The following AFP variants were observed in gnomAD, a reference collection of about 807,000 sequenced individuals.
AFP encodes the protein alpha-fetoprotein.
In AFP, 64 loss-of-function variants were observed where a neutral mutation model predicts 78.9. The observed-to-expected ratio is 0.81, with a 90% confidence interval of 0.66 to 1.00. The LOEUF (loss-of-function observed/expected upper bound fraction) is 1.00. Among genes scored for constraint, AFP ranks in the 50% least tolerant of loss-of-function variants. The pLI is 0.00. For synonymous variants in AFP, 254 were observed against 243.8 expected (o/e 1.04, Z -0.39); for missense variants, 689 against 703.8 (o/e 0.98, Z 0.24).
intron 2 of AFP, 88 bp downstream of exon 2, chr4:73,437,299 T>C: frequency 9.4e-7 from 1 of 1,065,072 alleles, no homozygotes; most frequent in Non-Finnish European, 1.4e-6. Flanking sequence ...CTGTGAGCTC[T>C]TAAAAGCACA....
intron 7 of AFP, among the ~76,000 whole-genome samples, chr4:73,446,977 C>T (rs1266438107): frequency 1.3e-5 from 2 of 152,076 alleles, no homozygotes; most frequent in Non-Finnish European, 2.9e-5. Flanking sequence ...TGATAGGTCA[C>T]GTTCTCACTC....
intron 2 of AFP, 48 bp from the exon 3 acceptor site, chr4:73,438,126 C>T: frequency 6.2e-7 from 1 of 1,606,962 alleles, no homozygotes; most frequent in South Asian, 1.1e-5. Context: ...GAAAAATAAG[C>T]TTGCTGCAGG....
chr4:73,438,332 T>C (rs1404262888), intron 3 of AFP, 26 bp downstream of exon 3: 62 of 1,593,668 alleles, frequency 3.9e-5, no homozygotes, highest in South Asian at 5.6e-5. Flanking sequence ...TAAAAAAGCA[T>C]TGTGATATTT....
chr4:73,440,888 A>G, intron 4 of AFP, 75 bp downstream of exon 4: 2 of 1,256,044 alleles, frequency 1.6e-6, no homozygotes, highest in Non-Finnish European at 2.2e-6. Context: ...TATTTTTGCA[A>G]TGTACTCATG....
chr4:73,441,347 A>T (rs1238030529), intron 4 of AFP, among the ~76,000 whole-genome samples: 2 of 151,862 alleles, frequency 1.3e-5, no homozygotes, highest in Non-Finnish European at 2.9e-5. Flanking sequence ...CGGGCGGATC[A>T]CGAGGTCAGG....
chr4:73,446,634 AGTTTGCTCTCC>A (rs1261426031), intron 7 of AFP, among the ~76,000 whole-genome samples: 3 of 140,600 alleles, frequency 2.1e-5, no homozygotes, highest in Non-Finnish European at 4.6e-5. Flanking sequence ...TGGAGCAGAA[AGTTTGCTCTCC>A]ATGTTATGAT....
rs1183939573 is a variant in AFP at position 73,449,549 on chromosome 4, CT to C, written c.1191+83del. 2.0e-6 allele frequency: 3 copies of C among 1,524,032 alleles called. No individual in the cohort carries two copies. In the African/African-American group the frequency reaches 4.1e-5, roughly 21 times the overall value. The allele number at this position is 1,524,032 out of a possible 1,614,324, so 94.4% of individuals were successfully genotyped here. ...AAAAATGCTGTTTGTTTGAAAGCCT[CT>C]AGTTTTCAACTAGTTGTTAGCCAGT... is the stretch of plus-strand genomic sequence containing the variant. On this transcript the variant is annotated intron_variant, in intron 9 of 14. Transcript: ENST00000395792.
intron 8 of AFP, among the ~76,000 whole-genome samples, chr4:73,448,293 G>A (rs1425571474): frequency 6.6e-6 from 1 of 152,116 alleles, no homozygotes; most frequent in Non-Finnish European, 1.5e-5. Flanking sequence ...AAGCAATCAA[G>A]TTAATACGTT....
Position 73,442,405 on chromosome 4 carries a change from G to A in AFP, c.592G>A (p.Ala198Thr). ...TCCATCTTGCTGCAAAGCTGAAAAT[G>A]CAGTTGAATGCTTCCAAACAAAGGT... ...IIPSCCKAEN[A>T]VECFQTKAAT... The change falls in exon 5 of 15, where the codon GCA becomes ACA. Residue 198 changes from alanine (A) to threonine (T), a missense_variant. Transcript: ENST00000395792. 1 of 1,614,064 alleles carries A rather than the reference G, an allele frequency of 6.2e-7. No individual in the cohort carries two copies. The highest frequency in any genetic ancestry group is 8.5e-7 in the Non-Finnish European group (1 of 1,179,990).
At chr4:73,441,115 G>A (rs1719649469) in intron 4 of AFP, among the ~76,000 whole-genome samples, 1 of 150,600 alleles carries the variant, frequency 6.6e-6, no homozygotes, top group Non-Finnish European at 1.5e-5. Context: ...ATTTTACCTT[G>A]TTCAAGAATA....
chr4:73,444,652 CTTAA>C (rs1719766148), intron 6 of AFP, among the ~76,000 whole-genome samples: 1 of 152,116 alleles, frequency 6.6e-6, no homozygotes, highest in Non-Finnish European at 1.5e-5. Context: ...TTTTCCATTT[CTTAA>C]TTGTTTATCC....
chr4:73,454,035 G>T (rs968357108), intron 13 of AFP, 138 bp downstream of exon 13: 24 of 929,814 alleles, frequency 2.6e-5, no homozygotes, highest in Middle Eastern at 3.4e-4. Flanking sequence ...CAGATTGAGG[G>T]ATTCTATAAG....
In AFP at chr4:73,437,159, G is replaced by C. The variant is rs1336910329; in HGVS notation, c.86-1G>C. ...TTCATGAAGTTTATTTTGCTTTCCA[G>C]CTTCCATATTGGATTCTTACCAATG... On this transcript the variant is annotated splice_acceptor_variant, in intron 1 of 14. Coordinates refer to ENST00000395792, the MANE Select transcript of AFP (RefSeq NM_001134.3). LOFTEE classifies it high-confidence loss of function. The C allele has an allele frequency of 6.2e-7, 1 of 1,610,274 alleles. No individual in the cohort carries two copies. The highest frequency in any genetic ancestry group is 8.5e-7 in the Non-Finnish European group (1 of 1,177,052).
intron 8 of AFP, 57 bp from the exon 9 acceptor site, chr4:73,449,278 G>T: frequency 6.6e-7 from 1 of 1,505,074 alleles, no homozygotes; most frequent in South Asian, 1.2e-5. Flanking sequence ...GAGAAGTGAT[G>T]GCTCCTTTTG....
At chr4:73,441,137 C>T (rs1439155642) in intron 4 of AFP, among the ~76,000 whole-genome samples, 1 of 151,820 alleles carries the variant, frequency 6.6e-6, no homozygotes, top group Non-Finnish European at 1.5e-5. Flanking sequence ...ATTAGTATTG[C>T]ACCAAATTGA....
At chr4:73,442,030 G>A (rs1251575931) in intron 4 of AFP, among the ~76,000 whole-genome samples, 1 of 152,146 alleles carries the variant, frequency 6.6e-6, no homozygotes, top group East Asian at 1.9e-4. Flanking sequence ...ATCATGGTTA[G>A]CATGTCTGCC....
In AFP at chr4:73,450,652, A is replaced by T. The variant is rs752733533; in HGVS notation, c.1327A>T (p.Thr443Ser). Residue 443 changes from threonine to serine, a missense_variant, in exon 11 of 15, where the codon ACC (threonine) becomes TCC (serine). Transcript: ENST00000395792. ...TTACACAAAGAAAGCCCCCCAGCTGACCTCGTCGGAGCTGATGGCCATCAC... is the reference window on the plus strand; with the variant it reads ...TTACACAAAGAAAGCCCCCCAGCTGTCCTCGTCGGAGCTGATGGCCATCAC... ...VAYTKKAPQL[T>S]SSELMAITRK... 1 of 1,613,982 alleles carries T rather than the reference A, an allele frequency of 6.2e-7. No individual in the cohort carries two copies. Among genetic ancestry groups the T allele is most frequent in the African/African-American group, 1.3e-5 (1 of 74,906 alleles).
At chr4:73,448,886 A>T (rs970353887) in intron 8 of AFP, among the ~76,000 whole-genome samples, 1 of 151,824 alleles carries the variant, frequency 6.6e-6, no homozygotes, top group African/African-American at 2.4e-5. Context: ...TCTCTTTTTC[A>T]TCTTTATTTA....
intron 12 of AFP, chr4:73,453,553 C>A: frequency 1.7e-6 from 1 of 573,004 alleles, no homozygotes; most frequent in South Asian, 2.0e-5. Flanking sequence ...GTTTTATCCA[C>A]AACCTGCACA....
Sources: allele counts gnomAD v4.1 joint callset (sites outside exome capture counted in the v4.1 genomes callset), GRCh38; gene constraint gnomAD v4.1.1; transcripts MANE v1.5; gene names NCBI Gene and HGNC (gene_info 2026-07-23, HGNC 2026-07-21).